Variants in MRPS5 observed in about 807,000 individuals in gnomAD.
MRPS5 encodes small ribosomal subunit protein uS5m.
In MRPS5, 27 loss-of-function variants were observed where a neutral mutation model predicts 51.9. The ratio of observed to expected loss-of-function variants is 0.52; its 90% CI spans 0.38 to 0.72. The LOEUF is 0.72. Ranked by LOEUF, MRPS5 falls within the 30% of genes least tolerant of loss-of-function variation. The pLI is 0.00. For synonymous variants in MRPS5, 196 were observed against 193.2 expected (o/e 1.01, Z -0.12); for missense variants, 570 against 545.7 (o/e 1.04, Z -0.44).
chr2:95,102,005 A>T (rs1243011365), intron 7 of MRPS5: 2 of 305,800 alleles, frequency 6.5e-6, no homozygotes, highest in East Asian at 7.0e-5. Flanking sequence ...AACAAAATTT[A>T]AAAAATTAGC....
intron 10 of MRPS5, among the ~76,000 whole-genome samples, chr2:95,099,500 G>A (rs1675735674): frequency 6.6e-6 from 1 of 151,504 alleles, no homozygotes; most frequent in Non-Finnish European, 1.5e-5. Flanking sequence ...TTCTTTTTTT[G>A]TACTAGGTCT....
intron 3 of MRPS5, among the ~76,000 whole-genome samples, chr2:95,110,846 C>CA (rs1676098382): frequency 2.0e-5 from 3 of 152,108 alleles, no homozygotes; most frequent in East Asian, 3.9e-4. Flanking sequence ...ATCGGAACCA[C>CA]AAAATGTTAT....
At chr2:95,094,754 C>T (rs1209434395) in intron 10 of MRPS5, among the ~76,000 whole-genome samples, 3 of 152,174 alleles carry the variant, frequency 2.0e-5, no homozygotes, top group Admixed American at 6.5e-5. Context: ...AAGGAACAAC[C>T]GGTACCAGCC....
At chr2:95,102,664 G>A (rs1675838265) in intron 7 of MRPS5, among the ~76,000 whole-genome samples, 2 of 152,044 alleles carry the variant, frequency 1.3e-5, no homozygotes, top group Admixed American at 6.5e-5. Flanking sequence ...CCTGTCTCAG[G>A]AAGGAAAAAA....
chr2:95,086,174 C>G lies in MRPS5; in HGVS notation c.*1183G>C, dbSNP rs1265225900. On this transcript the variant is annotated 3_prime_UTR_variant, in exon 12 of 12. Transcript: ENST00000272418. ...GGCTGAAGCAATCCTCCTGCCTCAC[C>G]TTCACAAAGTGCTGGGGTTATAGGC... 6.6e-6 allele frequency among the ~76,000 whole-genome samples: 1 copy of G among 152,112 alleles called. No homozygotes were observed. Among genetic ancestry groups the G allele is most frequent in the African/African-American group, 2.4e-5 (1 of 41,416 alleles).
At chr2:95,106,767 C>G in intron 5 of MRPS5, 1 of 431,272 alleles carries the variant, frequency 2.3e-6, no homozygotes, top group African/African-American at 2.0e-5. Context: ...ACGGCCTCTC[C>G]CCCTAGGCCA....
intron 10 of MRPS5, chr2:95,092,977 C>T (rs934272734): frequency 7.2e-5 from 11 of 152,174 alleles, no homozygotes; most frequent in Non-Finnish European, 1.2e-4. Flanking sequence ...CAGACTGTAC[C>T]GGGAAAACCG....
intron 3 of MRPS5, among the ~76,000 whole-genome samples, chr2:95,114,622 A>G (rs543032728): frequency 6.6e-6 from 1 of 152,262 alleles, no homozygotes; most frequent in South Asian, 2.1e-4. Context: ...CTCAATCTCC[A>G]TTTGTTACCT....
At chr2:95,106,928 T>C (rs1675967505) in intron 5 of MRPS5, among the ~76,000 whole-genome samples, 3 of 152,258 alleles carry the variant, frequency 2.0e-5, no homozygotes, top group South Asian at 4.1e-4. Flanking sequence ...AGTCAAAGTA[T>C]GCATACACAG....
intron 10 of MRPS5, among the ~76,000 whole-genome samples, chr2:95,095,270 A>C (rs1341923058): frequency 6.6e-6 from 1 of 152,210 alleles, no homozygotes; most frequent in Non-Finnish European, 1.5e-5. Flanking sequence ...CCCACACAAT[A>C]ATAATGGGAG....
Position 95,100,665 on chromosome 2 carries a change from C to G in MRPS5, c.869-129G>C, listed in dbSNP as rs372615303. Reference sequence around the variant, plus strand: ...ATTGACCAAAGATAAATGGTAAGCTCTGATTTCATTCATTTTAGTAACCTT... The same window carrying G: ...ATTGACCAAAGATAAATGGTAAGCTGTGATTTCATTCATTTTAGTAACCTT... On this transcript the variant is annotated intron_variant, in intron 9 of 11. Transcript: ENST00000272418. 60 of 890,060 alleles carry G rather than the reference C, an allele frequency of 6.7e-5. No individual in the cohort carries two copies. In the East Asian group the frequency reaches 1.3e-3, roughly 19 times the overall value. The allele number at this position is 890,060 out of a possible 1,614,324, so 55.1% of individuals were successfully genotyped here. A position where few individuals can be genotyped will look rare whatever the true frequency, so the allele number is the denominator to read the frequency against.
Position 95,112,087 on chromosome 2 carries a change from G to A in MRPS5, c.278-2046C>T, listed in dbSNP as rs531514684. ...TCATGTTTTGTTTTTTTTTGGAGAT[G>A]GAGTCTCACTCTTGTCGCCCCAGAT... is the stretch of plus-strand genomic sequence containing the variant. On this transcript the variant is annotated intron_variant, in intron 3 of 11. Transcript: ENST00000272418. 4.0e-5 allele frequency among the ~76,000 whole-genome samples: 6 copies of A among 151,612 alleles called. No individual in the cohort carries two copies. The East Asian group carries it at 1.2e-3, about 29-fold the overall frequency.
chr2:95,119,866 C>G (rs1419911522), intron 1 of MRPS5, among the ~76,000 whole-genome samples: 1 of 152,126 alleles, frequency 6.6e-6, no homozygotes, highest in East Asian at 1.9e-4. Flanking sequence ...AGTTAGAGAC[C>G]AGCCTCGGCA....
At position 95,115,134 on chromosome 2, in the gene MRPS5, T is replaced by C. The variant is rs952807815; in HGVS notation, c.209A>G (p.Gln70Arg). ...YASLSRALQT[Q>R]CCISSPSHLM... ...GTGACTGGGAGAAGAAATACAGCAT[T>C]GTGTCTGCAGTGCACGGCTCAAGCT... The change falls in exon 3 of 12, where the codon CAA becomes CGA. Residue 70 changes from glutamine to arginine, a missense_variant. Physicochemically the swap from Gln to Arg is conservative, Grantham distance 43. Coordinates refer to ENST00000272418, the MANE Select transcript of MRPS5 (RefSeq NM_031902.5). The C allele has an allele frequency of 1.9e-6, 3 of 1,612,922 alleles. No homozygotes were observed. The highest frequency in any genetic ancestry group is 1.7e-5 in the Admixed American group (1 of 59,538).
rs1675778915 is a variant in MRPS5, at chr2:95,100,860, A to G, written c.845T>C (p.Ile282Thr). Residue 282 changes from isoleucine to threonine, a missense_variant, in exon 9 of 12, where the codon ATA becomes ACA. By Grantham distance (89) the Ile-to-Thr change is moderately conservative. Coordinates refer to ENST00000272418, the MANE Select transcript of MRPS5 (RefSeq NM_031902.5). Reference protein sequence around the residue: ...KNRAVHHLHYIERYEDHTIFH... With the variant: ...KNRAVHHLHYTERYEDHTIFH... Reference sequence around the variant, plus strand: ...ACTTGTATGGTCTTCATATCGTTCTATATAATGCAAATGGTGAACTGCTCT... The same window carrying G: ...ACTTGTATGGTCTTCATATCGTTCTGTATAATGCAAATGGTGAACTGCTCT... 6.2e-7 allele frequency: 1 copy of G among 1,607,892 alleles called. No individual in the cohort carries two copies. The highest frequency in any genetic ancestry group is 1.1e-5 in the South Asian group (1 of 89,678).
chr2:95,117,207 G>A lies in MRPS5; in HGVS notation c.139+658C>T, dbSNP rs1676310646. Among the ~76,000 whole-genome samples, 3 of 151,012 alleles carry A rather than the reference G, an allele frequency of 2.0e-5. No individual in the cohort carries two copies. The South Asian group carries it at 6.3e-4, about 32-fold the overall frequency. On this transcript the variant is annotated intron_variant, in intron 2 of 11. Coordinates refer to ENST00000272418, the MANE Select transcript of MRPS5 (RefSeq NM_031902.5). ...GGAGGGTTTTGTTTCAGCATTTATG[G>A]TTTTCACCATGATGAACTTCTTCCT...
chr2:95,120,307 TACA>T (rs1676404248), intron 1 of MRPS5, among the ~76,000 whole-genome samples: 1 of 152,196 alleles, frequency 6.6e-6, no homozygotes, highest in South Asian at 2.1e-4. Context: ...GATGAACCTT[TACA>T]ACATTATGCT....
In MRPS5 at chr2:95,108,184, G is replaced by T. The variant is rs779184078; in HGVS notation, c.628C>A (p.Pro210Thr). ...ACCAGGAGTTTGCTACCTCCACAGG[G>T]ACCAGGGTCAGGGGGGCCAAGACTG... ...GISLGPPDPGPCGETYEDFDT... is the reference protein window; with the variant it reads ...GISLGPPDPGTCGETYEDFDT... Residue 210 changes from proline to threonine, a missense_variant, in exon 5 of 12, where the codon CCC becomes ACC. Pro to Thr is a conservative substitution (Grantham distance 38). Transcript: ENST00000272418. 13 of 1,614,082 alleles carry T rather than the reference G, an allele frequency of 8.1e-6. No homozygotes were observed. The highest frequency in any genetic ancestry group is 1.0e-5 in the Non-Finnish European group (12 of 1,179,974).
chr2:95,094,344 G>A (rs1403943326), intron 10 of MRPS5, among the ~76,000 whole-genome samples: 1 of 152,146 alleles, frequency 6.6e-6, no homozygotes, highest in African/African-American at 2.4e-5. Flanking sequence ...CCCCAACCTA[G>A]CAAGGCAGGC....
Sources: gnomAD v4.1 joint callset for allele counts (sites outside exome capture counted in the v4.1 genomes callset) on GRCh38, gnomAD v4.1.1 for gene constraint, MANE v1.5 for transcripts, NCBI Gene and HGNC (gene_info 2026-07-23, HGNC 2026-07-21) for gene names.